ESRRG: variants seen among roughly 807,000 people sequenced by gnomAD.
The protein encoded by ESRRG is estrogen related receptor gamma, also known as estrogen-related receptor gamma.
ESRRG carries 13 observed loss-of-function variants against 44.0 expected under a neutral mutation model. The observed-to-expected ratio is 0.30, with a 90% CI of 0.19 to 0.47. The LOEUF (loss-of-function observed/expected upper bound fraction) is 0.47. ESRRG is among the 20% of genes least tolerant of loss of function. The pLI, the probability that ESRRG is intolerant of heterozygous loss-of-function variation, is 1.00. For synonymous variants in ESRRG, 215 were observed against 214.6 expected, an observed-to-expected ratio of 1.00 and a Z score of -0.02; for missense variants, 395 against 580.6, an observed-to-expected ratio of 0.68 and a Z score of 3.29.
At chr1:216,597,212 C>T (rs2058564985) in intron 3 of ESRRG, among the ~76,000 whole-genome samples, 1 of 152,124 alleles carries the variant, frequency 6.6e-6, no homozygotes, top group South Asian at 2.1e-4. Flanking sequence ...CTGTGCTAGG[C>T]ATGAGACAAT....
At chr1:216,580,210 T>G (rs958426571) in intron 3 of ESRRG, among the ~76,000 whole-genome samples, 2 of 152,234 alleles carry the variant, frequency 1.3e-5, no homozygotes, top group Non-Finnish European at 2.9e-5. Context: ...TTTACAGCCA[T>G]GCACTATGAT....
chr1:216,865,949 TAAGGA>T (rs1326513041), intron 2 of ESRRG, among the ~76,000 whole-genome samples: 1 of 152,188 alleles, frequency 6.6e-6, no homozygotes, highest in Non-Finnish European at 1.5e-5. Flanking sequence ...CAAAAATGTT[TAAGGA>T]AAGGCCATCC....
At chr1:216,532,382 A>T (rs2049644758) in intron 5 of ESRRG, among the ~76,000 whole-genome samples, 1 of 152,152 alleles carries the variant, frequency 6.6e-6, no homozygotes, top group African/African-American at 2.4e-5. Flanking sequence ...CACTAAAGTG[A>T]CCGCTAAACA....
chr1:216,748,345 A>T (rs1159507164), intron 2 of ESRRG, among the ~76,000 whole-genome samples: 1 of 152,190 alleles, frequency 6.6e-6, no homozygotes, highest in Non-Finnish European at 1.5e-5. Context: ...GCAGAATAAG[A>T]AAAACATACA....
At chr1:217,127,042 A>T (rs1269297211) in intron 1 of ESRRG, among the ~76,000 whole-genome samples, 1 of 152,224 alleles carries the variant, frequency 6.6e-6, no homozygotes, top group Admixed American at 6.5e-5. Context: ...AAGATTAATT[A>T]TTAGAGATTT....
At chr1:216,614,964 G>A (rs1383439319) in intron 3 of ESRRG, among the ~76,000 whole-genome samples, 3 of 152,202 alleles carry the variant, frequency 2.0e-5, no homozygotes, top group East Asian at 1.9e-4. Flanking sequence ...AGACCTCTAT[G>A]TGTGTTGTAA....
At chr1:216,588,769 T>G (rs1375213927) in intron 3 of ESRRG, among the ~76,000 whole-genome samples, 1 of 152,134 alleles carries the variant, frequency 6.6e-6, no homozygotes, top group Admixed American at 6.6e-5. Flanking sequence ...AACAAATTTT[T>G]TAATAAGAAG....
chr1:217,075,520 T>C (rs2151480303), intron 1 of ESRRG, among the ~76,000 whole-genome samples: 2 of 152,228 alleles, frequency 1.3e-5, no homozygotes, highest in Middle Eastern at 6.8e-3. Flanking sequence ...AAACAGCATA[T>C]TTTTATTATA....
intron 2 of ESRRG, among the ~76,000 whole-genome samples, chr1:216,916,984 G>A (rs80280016): frequency 0.066 from 9,806 of 149,486 alleles, 390 homozygotes; most frequent in South Asian, 0.11. Context: ...GCACCGTTCC[G>A]TTCATCTTAC....
chr1:217,049,833 GA>G (rs1365120332), intron 1 of ESRRG, among the ~76,000 whole-genome samples: 1 of 152,164 alleles, frequency 6.6e-6, no homozygotes, highest in African/African-American at 2.4e-5. Context: ...GAGGCCACAA[GA>G]AAAGAAAGTG....
intron 1 of ESRRG, among the ~76,000 whole-genome samples, chr1:217,113,873 G>A (rs2092688319): frequency 1.3e-5 from 2 of 151,994 alleles, no homozygotes; most frequent in Non-Finnish European, 2.9e-5. Flanking sequence ...CATGCCTGTA[G>A]TCCCAGCTAC....
intron 2 of ESRRG, chr1:216,936,837 A>G (rs1381591550): frequency 6.6e-6 from 1 of 152,166 alleles, no homozygotes; most frequent in Non-Finnish European, 1.5e-5. Flanking sequence ...TATAACCTAC[A>G]TTTCAGAATC....
intron 5 of ESRRG, among the ~76,000 whole-genome samples, chr1:216,532,919 T>A (rs1248830482): frequency 2.6e-5 from 4 of 152,184 alleles, no homozygotes; most frequent in Non-Finnish European, 4.4e-5. Context: ...TATTCTCTCA[T>A]TTAAATTGAC....
At chr1:216,983,932 C>T (rs1344233460) in intron 1 of ESRRG, among the ~76,000 whole-genome samples, 1 of 151,546 alleles carries the variant, frequency 6.6e-6, no homozygotes, top group Non-Finnish European at 1.5e-5. Context: ...GTGAAATATC[C>T]TTATAACCTG....
intron 1 of ESRRG, among the ~76,000 whole-genome samples, chr1:216,718,104 CCTGT>C (rs755400852): frequency 2.0e-5 from 3 of 151,830 alleles, no homozygotes; most frequent in East Asian, 1.9e-4. Context: ...TTACCTGTTA[CCTGT>C]CTAACACACA....
chr1:216,593,763 A>G (rs2058043760), intron 3 of ESRRG, among the ~76,000 whole-genome samples: 2 of 152,192 alleles, frequency 1.3e-5, no homozygotes, highest in Non-Finnish European at 2.9e-5. Context: ...TGGGGGGAAC[A>G]GTTTCTCCCT....
At chr1:216,754,646 T>C (rs1572739) in intron 2 of ESRRG, among the ~76,000 whole-genome samples, 49,138 of 151,052 alleles carry the variant, frequency 0.33, 8,059 homozygotes, top group South Asian at 0.4. Flanking sequence ...CAGTCACTAA[T>C]TTCAGATTTT....
chr1:216,882,909 A>C (rs755232337), intron 2 of ESRRG, among the ~76,000 whole-genome samples: 20 of 152,046 alleles, frequency 1.3e-4, no homozygotes, highest in Non-Finnish European at 2.9e-4. Context: ...TTATTTTAAG[A>C]GTCACGATTT....
chr1:217,014,280 T>C (rs1459493902), intron 1 of ESRRG, among the ~76,000 whole-genome samples: 1 of 152,070 alleles, frequency 6.6e-6, no homozygotes, highest in African/African-American at 2.4e-5. Flanking sequence ...ACAGCTGTCA[T>C]TGCAGAGACT....
Sources: allele counts gnomAD v4.1 joint callset (sites outside exome capture counted in the v4.1 genomes callset), GRCh38; gene constraint gnomAD v4.1.1; transcripts MANE v1.5; gene names NCBI Gene and HGNC (gene_info 2026-07-23, HGNC 2026-07-21).